ACOXL: variants seen among roughly 807,000 people sequenced by gnomAD.
ACOXL encodes acyl-CoA oxidase like.
ACOXL carries 70 observed loss-of-function variants against 71.9 expected under a neutral mutation model. That is an observed-to-expected ratio of 0.97 (90% confidence interval 0.80 to 1.19). ACOXL has a LOEUF of 1.19. Among genes scored for constraint, ACOXL ranks in the 50% most tolerant of loss-of-function variants. The pLI, the probability that ACOXL is intolerant of heterozygous loss-of-function variation, is 0.00. For missense variants in ACOXL, 703 were observed against 736.3 expected (o/e 0.95, Z 0.52); for synonymous variants, 253 against 281.6 (o/e 0.90, Z 1.02).
At chr2:110,771,327 C>G (rs1681894274) in intron 2 of ACOXL, among the ~76,000 whole-genome samples, 1 of 152,190 alleles carries the variant, frequency 6.6e-6, no homozygotes, top group African/African-American at 2.4e-5. Context: ...TTCATCCTGC[C>G]TCTTAATAAA....
Position 111,105,506 on chromosome 2 carries a change from G to A in ACOXL, c.1543-12110G>A, listed in dbSNP as rs567141114. Among the ~76,000 whole-genome samples, 335 of 152,080 alleles carry A rather than the reference G, an allele frequency of 2.2e-3. 2 individuals are homozygous for A. Among genetic ancestry groups the A allele is most frequent in the African/African-American group, 7.1e-3 (293 of 41,522 alleles). On this transcript the variant is annotated intron_variant, in intron 17 of 17. Coordinates refer to ENST00000439055, the MANE Select transcript of ACOXL (RefSeq NM_001142807.4). ...ATAGAGATCTACACTGATTTATTTC[G>A]TCAGCATTTTACTGTGTTCAGCACA...
chr2:111,083,556 GT>G (rs1196209986), intron 16 of ACOXL, among the ~76,000 whole-genome samples: 1 of 150,256 alleles, frequency 6.7e-6, no homozygotes, highest in East Asian at 1.9e-4. Flanking sequence ...GGAGTCCAGG[GT>G]TTTTTTGTTT....
At chr2:110,915,590 ATT>A (rs962696274) in intron 11 of ACOXL, among the ~76,000 whole-genome samples, 1 of 149,406 alleles carries the variant, frequency 6.7e-6, no homozygotes, top group Non-Finnish European at 1.5e-5. Context: ...CACCCAGCTA[ATT>A]TTTTTTTGTA....
intron 9 of ACOXL, among the ~76,000 whole-genome samples, chr2:110,832,561 AAAAAG>A (rs1363297605): frequency 1.6e-4 from 25 of 151,694 alleles, no homozygotes; most frequent in Non-Finnish European, 5.9e-5. Context: ...AAAAAAAAAA[AAAAAG>A]AACAAACTAG....
At chr2:111,097,407 A>C (rs907014506) in intron 17 of ACOXL, among the ~76,000 whole-genome samples, 1 of 152,328 alleles carries the variant, frequency 6.6e-6, no homozygotes, top group South Asian at 2.1e-4. Flanking sequence ...AAAAACTCCT[A>C]TCTCTCTGAC....
intron 9 of ACOXL, among the ~76,000 whole-genome samples, chr2:110,831,970 T>A (rs924410493): frequency 6.6e-5 from 10 of 152,082 alleles, no homozygotes; most frequent in Middle Eastern, 3.4e-3. Context: ...ACCATAAAAC[T>A]TTTAGAAAAA....
intron 12 of ACOXL, among the ~76,000 whole-genome samples, chr2:110,950,928 T>C (rs1199977710): frequency 2.0e-5 from 3 of 151,932 alleles, no homozygotes; most frequent in African/African-American, 7.3e-5. Context: ...CTCTCTCTCA[T>C]AGTCTGAGCC....
intron 12 of ACOXL, among the ~76,000 whole-genome samples, chr2:110,966,068 C>A (rs2061914760): frequency 2.0e-5 from 3 of 152,172 alleles, no homozygotes; most frequent in Non-Finnish European, 4.4e-5. Flanking sequence ...TTCTGCCTCG[C>A]TGGGAGCTGA....
At chr2:110,869,666 G>A (rs1317342334) in intron 10 of ACOXL, among the ~76,000 whole-genome samples, 1 of 152,164 alleles carries the variant, frequency 6.6e-6, no homozygotes, top group African/African-American at 2.4e-5. Flanking sequence ...TTATTCATTG[G>A]CCACAAGAGG....
At chr2:110,839,368 T>C (rs1364646496) in intron 9 of ACOXL, among the ~76,000 whole-genome samples, 1 of 152,240 alleles carries the variant, frequency 6.6e-6, no homozygotes, top group African/African-American at 2.4e-5. Context: ...TGACCTTCTG[T>C]CTACAGTTTC....
chr2:111,108,133 T>A (rs1431645099), intron 17 of ACOXL, among the ~76,000 whole-genome samples: 2 of 152,130 alleles, frequency 1.3e-5, no homozygotes, highest in Non-Finnish European at 2.9e-5. Flanking sequence ...TTTTTCATAA[T>A]GCAAGATAAG....
chr2:111,100,905 A>G (rs1216006943), intron 17 of ACOXL: 5 of 152,692 alleles, frequency 3.3e-5, no homozygotes, highest in African/African-American at 9.6e-5. Context: ...TTCTGACTGT[A>G]TCTGCTCAAG....
chr2:111,010,500 T>C (rs921401043), intron 14 of ACOXL, among the ~76,000 whole-genome samples: 2 of 152,000 alleles, frequency 1.3e-5, no homozygotes, highest in Non-Finnish European at 2.9e-5. Flanking sequence ...AATTGGAGTC[T>C]AAGAAGGAGA....
At chr2:111,061,560 A>T (rs1413705576) in intron 16 of ACOXL, among the ~76,000 whole-genome samples, 2 of 152,202 alleles carry the variant, frequency 1.3e-5, no homozygotes, top group Non-Finnish European at 2.9e-5. Context: ...TCAGGAAAGA[A>T]GAAAGAATTC....
At chr2:110,953,347 T>TA (rs1491375198) in intron 12 of ACOXL, among the ~76,000 whole-genome samples, 41 of 151,684 alleles carry the variant, frequency 2.7e-4, no homozygotes, top group African/African-American at 9.4e-4. Context: ...TATATATATA[T>TA]TTCAATTAAT....
At chr2:110,745,852 T>G (rs1035441670) in intron 1 of ACOXL, among the ~76,000 whole-genome samples, 1 of 152,220 alleles carries the variant, frequency 6.6e-6, no homozygotes, top group Non-Finnish European at 1.5e-5. Context: ...TCATTCTTAC[T>G]GTGTCTTGAG....
chr2:111,038,666 G>A (rs567102189), intron 15 of ACOXL, among the ~76,000 whole-genome samples: 4 of 152,132 alleles, frequency 2.6e-5, no homozygotes, highest in East Asian at 1.9e-4. Flanking sequence ...CCTTCCAAAC[G>A]GTGAATAAAA....
intron 10 of ACOXL, among the ~76,000 whole-genome samples, chr2:110,859,966 C>T (rs961938942): frequency 3.9e-5 from 6 of 152,156 alleles, no homozygotes; most frequent in South Asian, 2.1e-4. Context: ...AACCTCAGCC[C>T]GGTTCTCACA....
intron 9 of ACOXL, among the ~76,000 whole-genome samples, chr2:110,834,551 C>T (rs896428210): frequency 9.9e-5 from 15 of 152,226 alleles, no homozygotes; most frequent in African/African-American, 3.4e-4. Context: ...GGGGCACACA[C>T]ACACAAGTAA....
Sources: gnomAD v4.1 joint callset for allele counts (sites outside exome capture counted in the v4.1 genomes callset) on GRCh38, gnomAD v4.1.1 for gene constraint, MANE v1.5 for transcripts, NCBI Gene and HGNC (gene_info 2026-07-23, HGNC 2026-07-21) for gene names.